Variants in CD1B observed in about 807,000 individuals in gnomAD.
CD1B encodes CD1b molecule.
CD1B carries 43 observed loss-of-function variants against 39.8 expected under a neutral mutation model. That is an observed-to-expected ratio of 1.08 (90% confidence interval 0.85 to 1.39). The LOEUF (loss-of-function observed/expected upper bound fraction) is 1.39. Ranked by LOEUF, CD1B falls within the 40% of genes most tolerant of loss-of-function variation. The probability of loss-of-function intolerance (pLI) is 0.00; values close to 1 mark genes in which losing one functional copy is unlikely to be tolerated. For missense variants in CD1B, 495 were observed against 403.8 expected, an observed-to-expected ratio of 1.23 and a Z score of -1.94; for synonymous variants, 192 against 152.5, an observed-to-expected ratio of 1.26 and a Z score of -1.91.
At chr1:158,325,072 C>T (rs1216688623), downstream of CD1B, among the ~76,000 whole-genome samples, 1 of 151,950 alleles carries the variant, frequency 6.6e-6, no homozygotes, top group Non-Finnish European at 1.5e-5. Flanking sequence ...GAAAGAATAA[C>T]TATCTTATTA....
chr1:158,305,167 G>T, the CD1B span, among the ~76,000 whole-genome samples: 1,293 of 152,136 alleles, frequency 8.5e-3, 24 homozygotes, highest in African/African-American at 0.03. Context: ...CGAACTCATC[G>T]CAAAGAAGTT....
In CD1B at chr1:158,328,943, C is replaced by A; in HGVS notation, c.958G>T (p.Ala320Ser). ...CACCGGCGCCTCATATACCATAATGCAAGGCATAGCAAAAGGAGCAAGGAA... is the reference window on the plus strand; with the variant it reads ...CACCGGCGCCTCATATACCATAATGAAAGGCATAGCAAAAGGAGCAAGGAA... ...VPSLLLLLCL[A>S]LWYMRRRSYQ... The change falls in exon 5 of 6, where the codon GCA (alanine) becomes TCA (serine). Residue 320 changes from alanine to serine, a missense_variant. By Grantham distance (99) the Ala-to-Ser change is moderately conservative. Transcript: ENST00000368168. 6.2e-7 allele frequency: 1 copy of A among 1,612,668 alleles called. No homozygotes were observed. The highest frequency in any genetic ancestry group is 8.5e-7 in the Non-Finnish European group (1 of 1,179,530).
At chr1:158,301,331 T>C in the CD1B span, among the ~76,000 whole-genome samples, 20 of 152,200 alleles carry the variant, frequency 1.3e-4, no homozygotes, top group Admixed American at 9.8e-4. Flanking sequence ...TCTGTCTTTA[T>C]GATGTTAGCT....
Position 158,329,458 on chromosome 1 carries a change from G to A in CD1B, c.798C>T (p.Thr266=), listed in dbSNP as rs143672671. 2.6e-4 allele frequency: 413 copies of A among 1,614,136 alleles called. No individual in the cohort carries two copies. The African/African-American group carries it at 5.1e-3, about 20-fold the overall frequency. The change falls in exon 4 of 6, where the codon ACC becomes ACT. Residue 266 remains threonine, a synonymous_variant. Transcript: ENST00000368168. ...NANWTWYLRA[T]LDVADGEAAG... Reference sequence around the variant, plus strand: ...CCGCCTCCCCATCTGCCACATCCAGGGTTGCTCGGAGATACCATGTCCAGT... The same window carrying A: ...CCGCCTCCCCATCTGCCACATCCAGAGTTGCTCGGAGATACCATGTCCAGT...
At chr1:158,292,951 C>A in the CD1B span, 2 of 1,420,674 alleles carry the variant, frequency 1.4e-6, no homozygotes, top group Non-Finnish European at 9.7e-7. Flanking sequence ...TTGAGGATAG[C>A]AGACCTAGGT....
chr1:158,308,950 G>A, the CD1B span, among the ~76,000 whole-genome samples: 1 of 152,108 alleles, frequency 6.6e-6, no homozygotes, highest in Non-Finnish European at 1.5e-5. Flanking sequence ...AACACCAAAA[G>A]CAATGGCAAC....
At chr1:158,288,486 G>A in the CD1B span, among the ~76,000 whole-genome samples, 1 of 152,142 alleles carries the variant, frequency 6.6e-6, no homozygotes, top group African/African-American at 2.4e-5. Context: ...TGACTTTCAG[G>A]GCTCAAAAGA....
At chr1:158,315,753 A>G in the CD1B span, among the ~76,000 whole-genome samples, 1 of 151,958 alleles carries the variant, frequency 6.6e-6, no homozygotes, top group East Asian at 1.9e-4. Flanking sequence ...CCTGAATGGT[A>G]TTGCCTAGGT....
the CD1B span, among the ~76,000 whole-genome samples, chr1:158,306,236 C>T: frequency 0.015 from 2,217 of 152,068 alleles, 54 homozygotes; most frequent in African/African-American, 0.049. Flanking sequence ...TGGAGGAAGA[C>T]CTAATAAGCA....
chr1:158,324,646 A>T (rs1652286776), downstream of CD1B, among the ~76,000 whole-genome samples: 1 of 152,184 alleles, frequency 6.6e-6, no homozygotes, highest in African/African-American at 2.4e-5. Context: ...CCTCAAAAAA[A>T]TTTCCACAGG....
chr1:158,331,381 C>A lies in CD1B; in HGVS notation c.43G>T (p.Gly15Cys). ...CTCTTACCATGTTCACTGTTACCACCAGGAAAGAGAACAGCTAACAGTTGA... is the reference window on the plus strand; with the variant it reads ...CTCTTACCATGTTCACTGTTACCACAAGGAAAGAGAACAGCTAACAGTTGA... ...PFQLLAVLFPGGNSEHAFQGP... is the reference protein window; with the variant it reads ...PFQLLAVLFPCGNSEHAFQGP... Residue 15 changes from glycine (G) to cysteine (C), a missense_variant, in exon 1 of 6, where the codon GGT becomes TGT. By Grantham distance (159) the Gly-to-Cys change is radical. Coordinates refer to ENST00000368168, the MANE Select transcript of CD1B (RefSeq NM_001764.3). The A allele has an allele frequency of 6.2e-7, 1 of 1,614,014 alleles. No individual in the cohort carries two copies. The highest frequency in any genetic ancestry group is 1.1e-5 in the South Asian group (1 of 91,076).
Position 158,331,278 on chromosome 1 carries a change from T to G in CD1B, c.61+85A>C, listed in dbSNP as rs776643246. ...GACAGAAAGACCCAGACCCTTAGTGTCCAATTGCACCTAGGAAAGCCCTGC... is the reference window on the plus strand; with the variant it reads ...GACAGAAAGACCCAGACCCTTAGTGGCCAATTGCACCTAGGAAAGCCCTGC... On this transcript the variant is annotated intron_variant, in intron 1 of 5. Coordinates refer to ENST00000368168, the MANE Select transcript of CD1B (RefSeq NM_001764.3). 6 of 1,291,290 alleles carry G rather than the reference T, an allele frequency of 4.6e-6. No individual in the cohort carries two copies. The Admixed American group carries it at 1.0e-4, about 22-fold the overall frequency. 80.0% of individuals were successfully genotyped at this position (1,291,290 alleles called of 1,614,324 possible).
At chr1:158,306,879 C>G in the CD1B span, among the ~76,000 whole-genome samples, 5 of 151,814 alleles carry the variant, frequency 3.3e-5, no homozygotes, top group Non-Finnish European at 5.9e-5. Flanking sequence ...TCTTTGAAAC[C>G]AACGAGAACA....
At chr1:158,329,178 C>G (rs571507532) in intron 4 of CD1B, among the ~76,000 whole-genome samples, 164 bp from the exon 5 acceptor site, 1 of 152,294 alleles carries the variant, frequency 6.6e-6, no homozygotes, top group South Asian at 2.1e-4. Flanking sequence ...ACCCAGTTTA[C>G]AGGTCCTTAA....
chr1:158,298,558 A>G, the CD1B span, among the ~76,000 whole-genome samples: 1 of 152,198 alleles, frequency 6.6e-6, no homozygotes, highest in African/African-American at 2.4e-5. Context: ...GAAGAAAGTC[A>G]TTGGTAGCTT....
downstream of CD1B, among the ~76,000 whole-genome samples, chr1:158,324,149 CATTGGTAG>C (rs1283429244): frequency 6.6e-6 from 1 of 152,154 alleles, no homozygotes; most frequent in African/African-American, 2.4e-5. Flanking sequence ...CTCCTAGACA[CATTGGTAG>C]ATGTTTTTGG....
At chr1:158,308,724 A>G in the CD1B span, among the ~76,000 whole-genome samples, 8 of 152,232 alleles carry the variant, frequency 5.3e-5, no homozygotes, top group Non-Finnish European at 7.3e-5. Flanking sequence ...AAAACCAGCA[A>G]TGGGGAAAGG....
chr1:158,294,253 A>G, the CD1B span, among the ~76,000 whole-genome samples: 1 of 152,254 alleles, frequency 6.6e-6, no homozygotes, highest in Non-Finnish European at 1.5e-5. Flanking sequence ...GTTGTGCTGT[A>G]TATGGAAGAC....
chr1:158,293,925 A>G, the CD1B span, among the ~76,000 whole-genome samples: 1 of 152,186 alleles, frequency 6.6e-6, no homozygotes, highest in African/African-American at 2.4e-5. Flanking sequence ...CATGTTGACA[A>G]TTTTTCTCAT....
Sources: allele counts gnomAD v4.1 joint callset (sites outside exome capture counted in the v4.1 genomes callset), GRCh38; gene constraint gnomAD v4.1.1; transcripts MANE v1.5; gene names NCBI Gene and HGNC (gene_info 2026-07-23, HGNC 2026-07-21).